LRBA: variants seen among roughly 807,000 people sequenced by gnomAD.
The protein encoded by LRBA is lipopolysaccharide-responsive and beige-like anchor protein.
LRBA carries 176 observed loss-of-function variants against 330.0 expected under a neutral mutation model. The ratio of observed to expected loss-of-function variants is 0.53; its 90% CI spans 0.47 to 0.60. The LOEUF (loss-of-function observed/expected upper bound fraction) is 0.60, where lower values mean the gene tolerates loss of function less well. Ranked by LOEUF, LRBA falls within the 20% of genes least tolerant of loss-of-function variation. LRBA has a pLI of 0.00. For synonymous variants in LRBA, 1,230 were observed against 1,193.0 expected, an observed-to-expected ratio of 1.03 and a Z score of -0.64; for missense variants, 3,259 against 3,444.8, an observed-to-expected ratio of 0.95 and a Z score of 1.35.
At chr4:150,511,052 T>G (rs569270291) in intron 40 of LRBA, among the ~76,000 whole-genome samples, 1 of 152,156 alleles carries the variant, frequency 6.6e-6, no homozygotes, top group South Asian at 2.1e-4. Flanking sequence ...GAGACAGGGT[T>G]TCACCATGTT....
chr4:150,941,372 C>G (rs1327399869), intron 2 of LRBA, among the ~76,000 whole-genome samples: 4 of 151,920 alleles, frequency 2.6e-5, no homozygotes, highest in Non-Finnish European at 5.9e-5. Context: ...AGGCTGGTCT[C>G]AAACTCCTGA....
At chr4:150,934,348 T>C (rs1019979711) in intron 2 of LRBA, among the ~76,000 whole-genome samples, 5 of 152,122 alleles carry the variant, frequency 3.3e-5, no homozygotes, top group African/African-American at 1.2e-4. Flanking sequence ...TCATAGAACA[T>C]ACTTAAGTAA....
intron 11 of LRBA, among the ~76,000 whole-genome samples, chr4:150,906,687 A>G (rs1731376411): frequency 6.6e-6 from 1 of 152,220 alleles, no homozygotes; most frequent in Non-Finnish European, 1.5e-5. Flanking sequence ...AAAAATGAGC[A>G]ACTTCCAAAA....
At chr4:150,692,077 A>G (rs1437436442) in intron 36 of LRBA, among the ~76,000 whole-genome samples, 1 of 152,194 alleles carries the variant, frequency 6.6e-6, no homozygotes, top group Non-Finnish European at 1.5e-5. Flanking sequence ...CTCTAGGATG[A>G]CAAAATTTCC....
chr4:150,835,032 G>C (rs917247806), intron 28 of LRBA, among the ~76,000 whole-genome samples: 2 of 152,182 alleles, frequency 1.3e-5, no homozygotes, highest in Admixed American at 6.5e-5. Flanking sequence ...TGGCTAGCTA[G>C]TTTTCCCAGC....
At chr4:150,553,947 T>C (rs982827884) in intron 40 of LRBA, among the ~76,000 whole-genome samples, 6 of 152,186 alleles carry the variant, frequency 3.9e-5, no homozygotes, top group African/African-American at 1.4e-4. Flanking sequence ...CATCAGTTCA[T>C]TGGTGAAGCT....
chr4:150,409,910 T>C (rs951707157), intron 47 of LRBA, among the ~76,000 whole-genome samples: 1 of 152,044 alleles, frequency 6.6e-6, no homozygotes, highest in African/African-American at 2.4e-5. Context: ...ACCACTGCAC[T>C]GGGAGTAAAG....
intron 2 of LRBA, among the ~76,000 whole-genome samples, chr4:150,980,389 G>GA (rs1163823637): frequency 6.6e-6 from 1 of 152,162 alleles, no homozygotes; most frequent in Non-Finnish European, 1.5e-5. Flanking sequence ...GGGAAAAACT[G>GA]AAAGTCTTTC....
chr4:150,406,413 T>G (rs1215792444), intron 47 of LRBA, among the ~76,000 whole-genome samples: 1 of 152,178 alleles, frequency 6.6e-6, no homozygotes, highest in Non-Finnish European at 1.5e-5. Context: ...TCAGTCTAGA[T>G]AAGTAACATG....
chr4:150,749,799 T>C (rs1157872420), intron 35 of LRBA, among the ~76,000 whole-genome samples: 3 of 152,076 alleles, frequency 2.0e-5, no homozygotes, highest in African/African-American at 7.2e-5. Flanking sequence ...CTGTAAGTTA[T>C]ATCATGCCAC....
At chr4:150,495,870 C>T (rs1381752406) in intron 40 of LRBA, among the ~76,000 whole-genome samples, 2 of 152,286 alleles carry the variant, frequency 1.3e-5, no homozygotes, top group East Asian at 3.9e-4. Context: ...ATGACCTCAA[C>T]TCCTGAATTG....
rs180682467 is a variant in LRBA, at chr4:150,735,221, C to T, written c.5754+37G>A. 7.9e-5 allele frequency: 111 copies of T among 1,409,634 alleles called. No homozygotes were observed. In the East Asian group the frequency reaches 1.8e-3, roughly 23 times the overall value. The allele number at this position is 1,409,634 out of a possible 1,614,324, so 87.3% of individuals were successfully genotyped here. On this transcript the variant is annotated intron_variant, in intron 36 of 56. Coordinates refer to ENST00000651943, the MANE Select transcript of LRBA (RefSeq NM_001364905.1). The stretch of plus-strand genomic sequence containing the variant: ...ATTTCTCATGATTATCATTAAAAAA[C>T]GGTAACTTCCGCACACCAACCATAT...
intron 47 of LRBA, among the ~76,000 whole-genome samples, chr4:150,402,798 TAA>T (rs746294609): frequency 0.41 from 62,203 of 151,604 alleles, 13,271 homozygotes; most frequent in South Asian, 0.51. Context: ...TCTATATATA[TAA>T]ATATAAATTC....
chr4:150,838,493 T>C (rs939590088), intron 28 of LRBA, among the ~76,000 whole-genome samples: 4 of 152,198 alleles, frequency 2.6e-5, no homozygotes, highest in Non-Finnish European at 5.9e-5. Context: ...TTCATTTCTC[T>C]TTACTCTTTT....
intron 40 of LRBA, among the ~76,000 whole-genome samples, chr4:150,558,901 G>A (rs186716207): frequency 8.5e-5 from 13 of 152,150 alleles, no homozygotes; most frequent in Admixed American, 2.6e-4. Context: ...TATTCGCATG[G>A]TATCATTAAA....
At chr4:150,492,070 G>A (rs149557647) in intron 40 of LRBA, among the ~76,000 whole-genome samples, 1 of 151,260 alleles carries the variant, frequency 6.6e-6, no homozygotes, top group African/African-American at 2.4e-5. Flanking sequence ...ATAACGAGTA[G>A]TAAAAATTTA....
chr4:150,621,959 T>C (rs1222290147), intron 37 of LRBA, among the ~76,000 whole-genome samples: 2 of 152,224 alleles, frequency 1.3e-5, no homozygotes, highest in Admixed American at 6.5e-5. Context: ...GGGTTGACTT[T>C]TTCTTTCTCC....
chr4:150,898,470 T>C (rs1203075630), intron 14 of LRBA, among the ~76,000 whole-genome samples: 1 of 152,116 alleles, frequency 6.6e-6, no homozygotes, highest in Non-Finnish European at 1.5e-5. Context: ...ACACTCATTG[T>C]TCTAAGATCC....
At chr4:150,485,901 T>G (rs1757817131) in intron 42 of LRBA, among the ~76,000 whole-genome samples, 1 of 151,984 alleles carries the variant, frequency 6.6e-6, no homozygotes, top group East Asian at 1.9e-4. Context: ...TATTTATATT[T>G]AAATGGGGCT....
Sources: gnomAD v4.1 joint callset for allele counts (sites outside exome capture counted in the v4.1 genomes callset) on GRCh38, gnomAD v4.1.1 for gene constraint, MANE v1.5 for transcripts, NCBI Gene and HGNC (gene_info 2026-07-23, HGNC 2026-07-21) for gene names.